The following THSD7A variants were observed in gnomAD, a reference collection of about 807,000 sequenced individuals.
The protein encoded by THSD7A is thrombospondin type 1 domain containing 7A, also known as thrombospondin type-1 domain-containing protein 7A.
A neutral mutation model predicts 231.3 loss-of-function variants in THSD7A; 96 were observed. The observed-to-expected ratio is 0.41, with a 90% CI of 0.35 to 0.49. THSD7A has a LOEUF of 0.49. Ranked by LOEUF, THSD7A falls within the 20% of genes least tolerant of loss-of-function variation. THSD7A has a pLI of 0.05. For synonymous variants in THSD7A, 940 were observed against 743.3 expected, an observed-to-expected ratio of 1.26 and a Z score of -4.30; for missense variants, 2,290 against 2,070.2, an observed-to-expected ratio of 1.11 and a Z score of -2.06.
chr7:11,711,130 T>G (rs533673504), intron 1 of THSD7A, among the ~76,000 whole-genome samples: 279 of 151,042 alleles, frequency 1.8e-3, no homozygotes, highest in African/African-American at 6.5e-3. Flanking sequence ...ACTGGGAAAG[T>G]TGAAGTAATA....
intron 4 of THSD7A, among the ~76,000 whole-genome samples, chr7:11,555,104 T>C (rs4443556): frequency 0.21 from 31,624 of 151,712 alleles, 3,564 homozygotes; most frequent in African/African-American, 0.3. Flanking sequence ...TTTCTGTTCT[T>C]ATGTTTATTA....
chr7:11,557,982 T>C (rs1293150798), intron 4 of THSD7A, among the ~76,000 whole-genome samples: 1 of 151,886 alleles, frequency 6.6e-6, no homozygotes, highest in Admixed American at 6.6e-5. Flanking sequence ...CTGGGTAGAG[T>C]GGTTATTGTC....
chr7:11,745,871 G>A (rs1782282871), intron 1 of THSD7A, among the ~76,000 whole-genome samples: 1 of 152,074 alleles, frequency 6.6e-6, no homozygotes. Context: ...TTTGAAGTCA[G>A]GCAGCATGAT....
chr7:11,541,360 T>C, intron 6 of THSD7A, 59 bp downstream of exon 6: 1 of 1,529,146 alleles, frequency 6.5e-7, no homozygotes, highest in South Asian at 1.1e-5. Flanking sequence ...TAACAGAAAG[T>C]AAAAACATAT....
chr7:11,650,121 G>C (rs1362006055), intron 1 of THSD7A, among the ~76,000 whole-genome samples: 1 of 152,062 alleles, frequency 6.6e-6, no homozygotes, highest in African/African-American at 2.4e-5. Context: ...AGTGTCAAAG[G>C]CTGTGTTGAT....
chr7:11,477,361 A>T (rs1235079047), intron 7 of THSD7A, among the ~76,000 whole-genome samples: 6 of 152,168 alleles, frequency 3.9e-5, no homozygotes, highest in Non-Finnish European at 8.8e-5. Context: ...GTTATTACAG[A>T]AATGATATCG....
At chr7:11,401,764 TAAGATA>T in intron 23 of THSD7A, 25 bp downstream of exon 23, 1 of 1,557,850 alleles carries the variant, frequency 6.4e-7, no homozygotes, top group Non-Finnish European at 8.7e-7. Flanking sequence ...TGCTTTTGCT[TAAGATA>T]GAGTATATGA....
chr7:11,581,425 C>T (rs575809632), intron 4 of THSD7A, among the ~76,000 whole-genome samples: 6 of 152,194 alleles, frequency 3.9e-5, no homozygotes, highest in African/African-American at 1.2e-4. Flanking sequence ...CACCAATATA[C>T]ACCATGAATT....
intron 1 of THSD7A, among the ~76,000 whole-genome samples, chr7:11,728,078 T>C (rs1056665955): frequency 2.6e-5 from 4 of 151,978 alleles, no homozygotes; most frequent in African/African-American, 7.2e-5. Context: ...TGGTAGCTTG[T>C]AAAATGCAAG....
At position 11,636,293 on chromosome 7, in the gene THSD7A, G is replaced by C. The variant is rs770707470; in HGVS notation, c.859C>G (p.Arg287Gly). 2 of 1,613,748 alleles carry C rather than the reference G, an allele frequency of 1.2e-6. No individual in the cohort carries two copies. Among genetic ancestry groups the C allele is most frequent in the Non-Finnish European group, 8.5e-7 (1 of 1,179,864 alleles). The change falls in exon 2 of 28, where the codon CGC becomes GGC. Residue 287 changes from arginine (R) to glycine (G), a missense_variant. Physicochemically the swap from Arg to Gly is moderately radical, Grantham distance 125. Coordinates refer to ENST00000423059, the MANE Select transcript of THSD7A (RefSeq NM_015204.3). This position sits in a 1 kb window ranked among gnomAD's most constrained non-coding sequence, Gnocchi z 10.0. ...TCTGGATCCTTTACTCCTTTGCTGC[G>C]GTCCTTTTCCCGTTCTTTATTCTTC... ...RGKNKEREKD[R>G]SKGVKDPEAR...
At chr7:11,509,216 C>G (rs1368252785) in intron 6 of THSD7A, among the ~76,000 whole-genome samples, 4 of 152,066 alleles carry the variant, frequency 2.6e-5, no homozygotes, top group African/African-American at 9.7e-5. Flanking sequence ...GGGAACAAAA[C>G]AGTTTTCTTT....
chr7:11,504,833 T>C (rs577191137), intron 6 of THSD7A, among the ~76,000 whole-genome samples: 1 of 77,278 alleles, frequency 1.3e-5, no homozygotes, highest in Non-Finnish European at 3.1e-5. Flanking sequence ...AACTAACTCC[T>C]TTTTTTTTAT....
At chr7:11,745,571 G>A (rs1394646996) in intron 1 of THSD7A, among the ~76,000 whole-genome samples, 1 of 151,976 alleles carries the variant, frequency 6.6e-6, no homozygotes, top group Non-Finnish European at 1.5e-5. Flanking sequence ...GGTTTTTATG[G>A]TTTTAGGTCT....
chr7:11,824,339 T>C (rs113536641), intron 1 of THSD7A, among the ~76,000 whole-genome samples: 3 of 152,184 alleles, frequency 2.0e-5, no homozygotes, highest in African/African-American at 7.2e-5. Flanking sequence ...ATTCTCATTC[T>C]AACTCATATC....
At chr7:11,424,532 A>G (rs1172264381) in intron 16 of THSD7A, among the ~76,000 whole-genome samples, 164 bp downstream of exon 16, 4 of 152,204 alleles carry the variant, frequency 2.6e-5, no homozygotes, top group Non-Finnish European at 5.9e-5. Flanking sequence ...TGCTGCTTGA[A>G]GCAGATTCTC....
intron 1 of THSD7A, among the ~76,000 whole-genome samples, chr7:11,734,003 G>C (rs1442086375): frequency 1.3e-5 from 2 of 151,560 alleles, no homozygotes; most frequent in Admixed American, 1.3e-4. Context: ...ATTTCTAGGG[G>C]CTCTATTCTT....
At chr7:11,813,977 G>T (rs867865269) in intron 1 of THSD7A, among the ~76,000 whole-genome samples, 2 of 152,106 alleles carry the variant, frequency 1.3e-5, no homozygotes, top group Non-Finnish European at 2.9e-5. Flanking sequence ...TTATCCAGTG[G>T]AATTCTAATA....
intron 6 of THSD7A, among the ~76,000 whole-genome samples, chr7:11,485,228 G>C (rs1210430057): frequency 1.3e-5 from 2 of 152,050 alleles, no homozygotes; most frequent in Admixed American, 6.6e-5. Flanking sequence ...TAATTTCTAT[G>C]CATATCAAAT....
In THSD7A at chr7:11,376,613, A is replaced by G; in HGVS notation, c.4846T>C (p.Phe1616Leu). 6.3e-7 allele frequency: 1 copy of G among 1,589,194 alleles called. No homozygotes were observed. Among genetic ancestry groups the G allele is most frequent in the Non-Finnish European group, 8.6e-7 (1 of 1,167,008 alleles). ...TWVYGVAAGA[F>L]VLLIFIVSMI... ...GAGACAATAAAGATGAGTAACACAA[A>G]TGCCCCAGCTGCTACACCGTAAACC... The change falls in exon 27 of 28, where the codon TTT becomes CTT. Residue 1616 changes from phenylalanine to leucine, a missense_variant. Coordinates refer to ENST00000423059, the MANE Select transcript of THSD7A (RefSeq NM_015204.3).
Sources: allele counts gnomAD v4.1 joint callset (sites outside exome capture counted in the v4.1 genomes callset), GRCh38; gene constraint gnomAD v4.1.1; non-coding constraint Gnocchi (gnomAD v3.1); transcripts MANE v1.5; gene names NCBI Gene and HGNC (gene_info 2026-07-23, HGNC 2026-07-21).